NR5A2: variants seen among roughly 807,000 people sequenced by gnomAD.
NR5A2 encodes nuclear receptor subfamily 5 group A member 2, also known as CYP7A promoter-binding factor.
Under a neutral mutation model 62.7 loss-of-function variants are expected in NR5A2, and 26 were observed. That is an observed-to-expected ratio of 0.41 (90% CI 0.30 to 0.58). NR5A2 has a LOEUF of 0.58. Ranked by LOEUF, NR5A2 falls within the 20% of genes least tolerant of loss-of-function variation. NR5A2 has a pLI of 0.22. For missense variants in NR5A2, 541 were observed against 669.1 expected (o/e 0.81, Z 2.11); for synonymous variants, 246 against 241.7 (o/e 1.02, Z -0.16).
intron 6 of NR5A2, among the ~76,000 whole-genome samples, chr1:200,114,301 CATAT>C (rs10570351): frequency 2.0e-5 from 3 of 151,090 alleles, no homozygotes; most frequent in Non-Finnish European, 4.4e-5. Flanking sequence ...TATACACACA[CATAT>C]ATATGATATG....
chr1:200,048,426 T>G lies in NR5A2; in HGVS notation c.718T>G (p.Phe240Val). 1 of 1,614,230 alleles carries G rather than the reference T, an allele frequency of 6.2e-7. No homozygotes were observed. Among genetic ancestry groups the G allele is most frequent in the South Asian group, 1.1e-5 (1 of 91,086 alleles). Residue 240 changes from phenylalanine to valine, a missense_variant, in exon 5 of 8, where the codon TTT becomes GTT. Coordinates refer to ENST00000367362, the MANE Select transcript of NR5A2 (RefSeq NM_205860.3). The surrounding 1 kb of genome is among the most constrained non-coding windows in gnomAD (Gnocchi z 4.8). ...TCCTACAGACTATGACAGAAGTCCC[T>G]TTGTAACATCCCCCATTAGCATGAC... The part of the protein sequence containing the change: ...LPPTDYDRSP[F>V]VTSPISMTMP...
At chr1:200,102,966 C>T (rs1405873823) in intron 5 of NR5A2, among the ~76,000 whole-genome samples, 1 of 152,044 alleles carries the variant, frequency 6.6e-6, no homozygotes, top group Non-Finnish European at 1.5e-5. Context: ...ACCATGAACT[C>T]TTCAGATATT....
rs139619372 is a variant in NR5A2, at chr1:200,107,562, G to T, written c.1111-3640G>T. Among the ~76,000 whole-genome samples the T allele has an allele frequency of 1.1e-3, 173 of 152,264 alleles. 4 individuals carry two copies. In the East Asian group the frequency reaches 0.024, roughly 21 times the overall value. ...ACCTATTCCTGCAATTTTTAGAGAA[G>T]CAGAGGAACAGAGGATATGCAGATT... On this transcript the variant is annotated intron_variant, in intron 5 of 7. Transcript: ENST00000367362.
chr1:200,170,261 A>T (rs1654110710), intron 7 of NR5A2, among the ~76,000 whole-genome samples: 1 of 152,206 alleles, frequency 6.6e-6, no homozygotes, highest in South Asian at 2.1e-4. Flanking sequence ...GAAAATGGAA[A>T]TCAGGACGAT....
chr1:200,093,512 C>T (rs1254520084), intron 5 of NR5A2, among the ~76,000 whole-genome samples: 1 of 152,190 alleles, frequency 6.6e-6, no homozygotes, highest in Admixed American at 6.5e-5. Flanking sequence ...TAAAAGCAGA[C>T]TCAGATCCCT....
intron 7 of NR5A2, among the ~76,000 whole-genome samples, chr1:200,144,303 C>G (rs1667590550): frequency 1.3e-5 from 2 of 151,518 alleles, no homozygotes; most frequent in South Asian, 4.2e-4. Flanking sequence ...TCTCCTAAAG[C>G]CTTGTGCCGT....
At chr1:200,036,800 G>T (rs908920473) in intron 1 of NR5A2, among the ~76,000 whole-genome samples, 1 of 152,126 alleles carries the variant, frequency 6.6e-6, no homozygotes, top group Non-Finnish European at 1.5e-5. Flanking sequence ...GTTTTCTCTC[G>T]CTCGAGACTT....
intron 1 of NR5A2, among the ~76,000 whole-genome samples, chr1:200,032,739 G>T (rs1038538695): frequency 6.6e-6 from 1 of 151,776 alleles, no homozygotes; most frequent in African/African-American, 2.4e-5. Context: ...AGTTTACTTT[G>T]TTAACCCAAT....
intron 5 of NR5A2, among the ~76,000 whole-genome samples, chr1:200,063,407 C>T (rs1663320807): frequency 6.6e-6 from 1 of 152,188 alleles, no homozygotes; most frequent in Admixed American, 6.5e-5. Flanking sequence ...ATCCACCCAC[C>T]TTGGCCTCCC....
intron 6 of NR5A2, among the ~76,000 whole-genome samples, chr1:200,114,293 T>C (rs1263523384): frequency 1.7e-5 from 2 of 119,504 alleles, no homozygotes; most frequent in Non-Finnish European, 3.7e-5. Flanking sequence ...CACATATATA[T>C]ACACACACAT....
intron 7 of NR5A2, among the ~76,000 whole-genome samples, chr1:200,132,090 A>C (rs1374131443): frequency 6.6e-6 from 1 of 151,994 alleles, no homozygotes; most frequent in Non-Finnish European, 1.5e-5. Flanking sequence ...GCTCACTGCA[A>C]CCTCCGCCTC....
intron 7 of NR5A2, among the ~76,000 whole-genome samples, chr1:200,127,670 C>G (rs1666764277): frequency 1.7e-5 from 1 of 60,006 alleles, no homozygotes; most frequent in Non-Finnish European, 3.0e-5. Context: ...GAGAAAGACT[C>G]TGTCTCAAAA....
Position 200,027,720 on chromosome 1 carries a change from A to G in NR5A2, c.-128A>G, listed in dbSNP as rs899053936. 2 of 499,032 alleles carry G rather than the reference A, an allele frequency of 4.0e-6. No individual in the cohort carries two copies. The highest frequency in any genetic ancestry group is 7.2e-6 in the Non-Finnish European group (2 of 279,298). 30.9% of individuals were successfully genotyped at this position (499,032 alleles called of 1,614,324 possible). On this transcript the variant is annotated 5_prime_UTR_variant, in exon 1 of 8. Coordinates refer to ENST00000367362, the MANE Select transcript of NR5A2 (RefSeq NM_205860.3). ...TTTTTTTTTTCCTTTGCTTTTTCTT[A>G]ACTTTCACTAAGGGTTACTGTAGTC...
At chr1:200,120,238 C>T (rs1230023395) in intron 6 of NR5A2, among the ~76,000 whole-genome samples, 1 of 152,118 alleles carries the variant, frequency 6.6e-6, no homozygotes, top group Non-Finnish European at 1.5e-5. Flanking sequence ...TCTCATAATA[C>T]AAGTAGAAAT....
intron 6 of NR5A2, among the ~76,000 whole-genome samples, chr1:200,112,044 T>C (rs1665977405): frequency 6.7e-6 from 1 of 149,642 alleles, no homozygotes; most frequent in Non-Finnish European, 1.5e-5. Flanking sequence ...AACAAGCCTG[T>C]AATATGTTAA....
At chr1:200,163,254 C>T (rs941166589) in intron 7 of NR5A2, among the ~76,000 whole-genome samples, 4 of 112,418 alleles carry the variant, frequency 3.6e-5, no homozygotes, top group African/African-American at 1.5e-4. Flanking sequence ...AGAATAGCAG[C>T]ATGTCAAAGG....
rs576903698 is a variant in NR5A2, at chr1:200,035,012, G to A, written c.65-4646G>A. On this transcript the variant is annotated intron_variant, in intron 1 of 7. Transcript: ENST00000367362. Reference sequence around the variant, plus strand: ...CTCTGAGCCAGGGAATGAAACTGGAGTTCTGGCTAAACTTTTCAGAGAAAG... The same window carrying A: ...CTCTGAGCCAGGGAATGAAACTGGAATTCTGGCTAAACTTTTCAGAGAAAG... 6.0e-4 allele frequency among the ~76,000 whole-genome samples: 92 copies of A among 152,200 alleles called. 1 individual carries two copies. Among genetic ancestry groups the A allele is most frequent in the Middle Eastern group, 6.8e-3 (2 of 292 alleles).
Position 200,147,061 on chromosome 1 carries a change from A to C in NR5A2, c.1378+26106A>C, listed in dbSNP as rs745896223. On this transcript the variant is annotated intron_variant, in intron 7 of 7. Transcript: ENST00000367362. This position sits in a 1 kb window ranked among gnomAD's most constrained non-coding sequence, Gnocchi z 4.9. ...AACAACAAGGAATTAACTGGGTGGC[A>C]GCAAAGGGCACCAAAAGAAAAGATA... is the stretch of plus-strand genomic sequence containing the variant. 6.6e-6 allele frequency among the ~76,000 whole-genome samples: 1 copy of C among 152,156 alleles called. No homozygotes were observed. The highest frequency in any genetic ancestry group is 2.4e-5 in the African/African-American group (1 of 41,432).
At chr1:200,116,109 A>C (rs1376199890) in intron 6 of NR5A2, among the ~76,000 whole-genome samples, 1 of 152,182 alleles carries the variant, frequency 6.6e-6, no homozygotes, top group Non-Finnish European at 1.5e-5. Context: ...GGCAAATAGG[A>C]ATATTAAATA....
Sources: allele counts gnomAD v4.1 joint callset (sites outside exome capture counted in the v4.1 genomes callset), GRCh38; gene constraint gnomAD v4.1.1; non-coding constraint Gnocchi (gnomAD v3.1); transcripts MANE v1.5; gene names NCBI Gene and HGNC (gene_info 2026-07-23, HGNC 2026-07-21).